The following EPS15 variants were observed in gnomAD, a reference collection of about 807,000 sequenced individuals.
The protein encoded by EPS15 is epidermal growth factor receptor pathway substrate 15.
Under a neutral mutation model 113.8 loss-of-function variants are expected in EPS15, and 72 were observed. The ratio of observed to expected loss-of-function variants is 0.63; its 90% CI spans 0.52 to 0.77. The LOEUF (loss-of-function observed/expected upper bound fraction) is 0.77, where lower values mean the gene tolerates loss of function less well. Ranked by LOEUF, EPS15 falls within the 30% of genes least tolerant of loss-of-function variation. The pLI is 0.00. For synonymous variants in EPS15, 344 were observed against 363.4 expected, an observed-to-expected ratio of 0.95 and a Z score of 0.61; for missense variants, 1,048 against 1,045.8, an observed-to-expected ratio of 1.00 and a Z score of -0.03.
chr1:51,441,865 A>G (rs1040629211), intron 11 of EPS15, among the ~76,000 whole-genome samples: 2 of 152,176 alleles, frequency 1.3e-5, no homozygotes. Flanking sequence ...TGGCACTTGC[A>G]TATCAAGATC....
At chr1:51,396,873 AATCT>A (rs1255685770) in intron 20 of EPS15, among the ~76,000 whole-genome samples, 1 of 151,788 alleles carries the variant, frequency 6.6e-6, no homozygotes, top group Admixed American at 6.6e-5. Flanking sequence ...CTACCAACTT[AATCT>A]ATCTTTTTTT....
At chr1:51,490,972 G>T (rs1257694337) in intron 1 of EPS15, among the ~76,000 whole-genome samples, 1 of 152,170 alleles carries the variant, frequency 6.6e-6, no homozygotes, top group East Asian at 1.9e-4. Flanking sequence ...AGGGTGCATA[G>T]AGCCTCTCGG....
rs1236164661 is a variant in EPS15, at chr1:51,356,425, G to A, written c.*275C>T. ...GTGCTCTAGCTTTACAAGTAAAATA[G>A]CACAGGCAGGCAAAAGCTCACAGTA... On this transcript the variant is annotated 3_prime_UTR_variant, in exon 25 of 25. Coordinates refer to ENST00000371733, the MANE Select transcript of EPS15 (RefSeq NM_001981.3). The A allele has an allele frequency of 1.2e-5, 4 of 333,990 alleles. No individual in the cohort carries two copies. In the South Asian group the frequency reaches 2.2e-4, roughly 19 times the overall value. The allele number at this position is 333,990 out of a possible 1,614,324, so 20.7% of individuals were successfully genotyped here.
intron 21 of EPS15, among the ~76,000 whole-genome samples, chr1:51,391,455 T>TAATAA (rs57219279): frequency 0.11 from 15,876 of 148,288 alleles, 1,025 homozygotes; most frequent in Non-Finnish European, 0.14. Flanking sequence ...CCTAAAACTT[T>TAATAA]AATAAAATAA....
intron 21 of EPS15, among the ~76,000 whole-genome samples, chr1:51,393,354 C>T (rs926303802): frequency 1.3e-5 from 2 of 152,178 alleles, no homozygotes; most frequent in African/African-American, 4.8e-5. Context: ...GGATTATAGG[C>T]ACCCACCACC....
intron 21 of EPS15, among the ~76,000 whole-genome samples, chr1:51,392,163 G>A (rs995615015): frequency 2.0e-5 from 3 of 152,134 alleles, no homozygotes; most frequent in Admixed American, 6.6e-5. Flanking sequence ...CAAAGAGGCA[G>A]GTGGAAAACC....
chr1:51,371,908 A>C (rs1297110110), intron 21 of EPS15, among the ~76,000 whole-genome samples: 1 of 152,140 alleles, frequency 6.6e-6, no homozygotes, highest in Non-Finnish European at 1.5e-5. Flanking sequence ...TTTTTACTCT[A>C]TGTTTAGATA....
chr1:51,512,726 T>A (rs1272809742), intron 1 of EPS15, among the ~76,000 whole-genome samples: 2 of 152,172 alleles, frequency 1.3e-5, no homozygotes. Flanking sequence ...TGAAATTGTT[T>A]GAAATCTTTC....
intron 13 of EPS15, among the ~76,000 whole-genome samples, chr1:51,415,996 T>C (rs1359965901): frequency 1.3e-5 from 2 of 152,026 alleles, no homozygotes; most frequent in East Asian, 3.8e-4. Context: ...GCAATTTCAA[T>C]ATCAATATCA....
intron 10 of EPS15, 31 bp from the exon 11 acceptor site, chr1:51,445,076 A>G: frequency 6.3e-7 from 1 of 1,586,130 alleles, no homozygotes. Flanking sequence ...AATGGTATGT[A>G]AGTGCCACAA....
intron 1 of EPS15, among the ~76,000 whole-genome samples, chr1:51,482,655 G>C (rs1438706268): frequency 6.6e-6 from 1 of 152,008 alleles, no homozygotes; most frequent in Non-Finnish European, 1.5e-5. Context: ...TAGTAGAGAT[G>C]GGGTTTCGCC....
At chr1:51,357,024 A>G (rs1339053275) in intron 24 of EPS15, among the ~76,000 whole-genome samples, 178 bp from the exon 25 acceptor site, 1 of 151,938 alleles carries the variant, frequency 6.6e-6, no homozygotes, top group Non-Finnish European at 1.5e-5. Flanking sequence ...TTATTAAGCT[A>G]TAGTTTAATT....
intron 12 of EPS15, among the ~76,000 whole-genome samples, chr1:51,429,579 A>T (rs1236190829): frequency 1.3e-5 from 2 of 152,020 alleles, no homozygotes; most frequent in African/African-American, 4.8e-5. Flanking sequence ...TGAAATGGTA[A>T]ATCAGAAAAA....
At chr1:51,417,345 T>C (rs1473200130) in intron 13 of EPS15, among the ~76,000 whole-genome samples, 4 of 152,238 alleles carry the variant, frequency 2.6e-5, no homozygotes, top group African/African-American at 7.2e-5. Context: ...GCTCTCAATC[T>C]TTTCTACCTA....
intron 1 of EPS15, among the ~76,000 whole-genome samples, chr1:51,502,989 AGAGT>A (rs1644438734): frequency 6.7e-6 from 1 of 148,914 alleles, no homozygotes; most frequent in Non-Finnish European, 1.5e-5. Flanking sequence ...TCTGGGCGAC[AGAGT>A]GAGACTCTGT....
intron 8 of EPS15, among the ~76,000 whole-genome samples, chr1:51,453,297 C>T (rs1444409752): frequency 2.0e-5 from 3 of 152,148 alleles, no homozygotes; most frequent in Non-Finnish European, 4.4e-5. Flanking sequence ...ATAGACAACA[C>T]ATTTTTATGA....
intron 13 of EPS15, among the ~76,000 whole-genome samples, chr1:51,419,578 A>C (rs755469955): frequency 3.9e-5 from 6 of 152,088 alleles, no homozygotes; most frequent in Non-Finnish European, 8.8e-5. Flanking sequence ...CAATGTCTTC[A>C]TTTTGACATT....
At chr1:51,419,819 T>C (rs1216032694) in intron 13 of EPS15, among the ~76,000 whole-genome samples, 2 of 152,092 alleles carry the variant, frequency 1.3e-5, no homozygotes, top group Non-Finnish European at 2.9e-5. Context: ...TAATGAAATA[T>C]ACTTATTACC....
At chr1:51,439,082 T>C (rs1652380753) in intron 12 of EPS15, among the ~76,000 whole-genome samples, 1 of 152,118 alleles carries the variant, frequency 6.6e-6, no homozygotes, top group South Asian at 2.1e-4. Flanking sequence ...TGTAGCTAGA[T>C]GTACTATAGC....
Sources: gnomAD v4.1 joint callset for allele counts (sites outside exome capture counted in the v4.1 genomes callset) on GRCh38, gnomAD v4.1.1 for gene constraint, MANE v1.5 for transcripts, NCBI Gene and HGNC (gene_info 2026-07-23, HGNC 2026-07-21) for gene names.